The following TENM1 variants were observed in gnomAD, a reference collection of about 807,000 sequenced individuals.
TENM1 encodes teneurin-1.
In TENM1, 35 loss-of-function variants were observed where a neutral mutation model predicts 174.8. The observed-to-expected ratio is 0.20, with a 90% CI of 0.15 to 0.27. The LOEUF (loss-of-function observed/expected upper bound fraction) is 0.27, where lower values mean the gene tolerates loss of function less well. Ranked by LOEUF, TENM1 falls within the 10% of genes least tolerant of loss-of-function variation. TENM1 has a pLI of 1.00. For missense variants in TENM1, 1,633 were observed against 2,130.1 expected, an observed-to-expected ratio of 0.77 and a Z score of 4.59; for synonymous variants, 781 against 798.7, an observed-to-expected ratio of 0.98 and a Z score of 0.37.
At chrX:125,192,973 T>G in the TENM1 span, among the ~76,000 whole-genome samples, 1 of 111,426 alleles carries the variant, frequency 9.0e-6, no homozygotes, top group African/African-American at 3.3e-5. Context: ...GAGGTTTTTT[T>G]CAGTTATTTT....
intron 1 of TENM1, among the ~76,000 whole-genome samples, chrX:124,920,417 C>T (rs754321258): frequency 9.0e-6 from 1 of 111,135 alleles, no homozygotes; most frequent in African/African-American, 3.3e-5. Context: ...TTTATTTGAC[C>T]AGAACCACAC....
intron 28 of TENM1, among the ~76,000 whole-genome samples, chrX:124,388,138 G>A (rs2060243630): frequency 8.9e-6 from 1 of 111,878 alleles, no homozygotes; most frequent in Non-Finnish European, 1.9e-5. Flanking sequence ...CTTGCTGTGA[G>A]TAAATGACAT....
At chrX:124,653,950 A>G (rs1316408121) in intron 6 of TENM1, among the ~76,000 whole-genome samples, 167 bp from the exon 10 acceptor site, 1 of 111,802 alleles carries the variant, frequency 8.9e-6, no homozygotes, top group Admixed American at 9.5e-5. Flanking sequence ...ATCATCTAAG[A>G]AGCCTTCCCC....
At chrX:124,477,114 T>G (rs983978440) in intron 22 of TENM1, among the ~76,000 whole-genome samples, 49 of 112,240 alleles carry the variant, frequency 4.4e-4, no homozygotes, top group African/African-American at 1.6e-3. Context: ...CAAACAAAAT[T>G]TGTAGTTACT....
rs185130671 is a variant in TENM1 at position 124,802,757 on chromosome X, A to G, written c.536-65560T>C. Among the ~76,000 whole-genome samples, 86 of 111,841 alleles carry G rather than the reference A, an allele frequency of 7.7e-4. 2 individuals are homozygous for G. The highest frequency in any genetic ancestry group is 4.9e-3 in the Admixed American group (52 of 10,621). ...TTGGCCATCTTGGCCCCACCCCCCA[A>G]TAAAGGTTTCATTCTAAGCCCCACT... is the stretch of plus-strand genomic sequence containing the variant. On this transcript the variant is annotated intron_variant, in intron 3 of 31. Coordinates refer to ENST00000422452, the Ensembl canonical transcript of TENM1.
At chrX:125,156,747 C>T in the TENM1 span, among the ~76,000 whole-genome samples, 13 of 111,617 alleles carry the variant, frequency 1.2e-4, no homozygotes, top group Non-Finnish European at 2.1e-4. Flanking sequence ...TATGGTAGAA[C>T]GATTTATATT....
chrX:124,564,812 G>T (rs1477046082), intron 12 of TENM1, among the ~76,000 whole-genome samples: 4 of 111,402 alleles, frequency 3.6e-5, no homozygotes, highest in Non-Finnish European at 7.5e-5. Flanking sequence ...GCAATAAGGG[G>T]TGAAGGGAGA....
chrX:125,046,857 CGT>C, the TENM1 span, among the ~76,000 whole-genome samples: 6,131 of 97,700 alleles, frequency 0.063, 323 homozygotes, highest in African/African-American at 0.18. Context: ...TGTGTGCATG[CGT>C]GTGTGTGTGT....
intron 6 of TENM1, among the ~76,000 whole-genome samples, chrX:124,658,523 T>C: frequency 8.9e-6 from 1 of 111,925 alleles, no homozygotes; most frequent in Middle Eastern, 4.7e-3. Flanking sequence ...TTTTATTAAA[T>C]GTCCAGTAAG....
intron 12 of TENM1, among the ~76,000 whole-genome samples, chrX:124,564,650 T>C (rs1315807095): frequency 8.0e-5 from 9 of 112,262 alleles, no homozygotes; most frequent in Non-Finnish European, 1.7e-4. Context: ...TAGAAATATA[T>C]GTTAAGGGCT....
chrX:124,981,978 A>T, the TENM1 span, among the ~76,000 whole-genome samples: 1 of 58,979 alleles, frequency 1.7e-5, no homozygotes, highest in Non-Finnish European at 2.9e-5. Flanking sequence ...AAAAAAAAAA[A>T]AATGCAGGAA....
chrX:124,439,423 G>A (rs2060880106), intron 23 of TENM1, among the ~76,000 whole-genome samples: 1 of 112,079 alleles, frequency 8.9e-6, no homozygotes, highest in African/African-American at 3.2e-5. Context: ...CATCACAACA[G>A]TATGTGAAAG....
intron 23 of TENM1, among the ~76,000 whole-genome samples, chrX:124,425,031 C>G (rs1336027367): frequency 9.0e-6 from 1 of 111,525 alleles, no homozygotes; most frequent in South Asian, 3.8e-4. Context: ...TGGATTAATA[C>G]GGTGTCCTCC....
rs188043892 is a variant in TENM1, at chrX:124,933,654, A to G, written c.217+29883T>C. Among the ~76,000 whole-genome samples the G allele has an allele frequency of 3.4e-3, 387 of 112,355 alleles. 1 individual carries two copies. The highest frequency in any genetic ancestry group is 0.012 in the African/African-American group (360 of 31,011). On this transcript the variant is annotated intron_variant, in intron 1 of 31. Transcript: ENST00000422452. ...ATGTGCATAAAACAAATTAATTTCA[A>G]AATTAAAATTTGGAGAGGAAAAGCT... is the stretch of plus-strand genomic sequence containing the variant.
At chrX:124,653,990 T>C (rs1254923788) in intron 6 of TENM1, among the ~76,000 whole-genome samples, 2 of 111,975 alleles carry the variant, frequency 1.8e-5, no homozygotes, top group African/African-American at 6.5e-5. Context: ...CTCTCTCTTC[T>C]CTTCAAACCC....
chrX:124,602,085 T>C (rs1306818136), intron 11 of TENM1, among the ~76,000 whole-genome samples: 2 of 111,179 alleles, frequency 1.8e-5, no homozygotes, highest in Non-Finnish European at 3.8e-5. Flanking sequence ...GCATCATTAA[T>C]CAGAACTTTG....
chrX:124,759,911 A>G (rs964634112), intron 3 of TENM1, among the ~76,000 whole-genome samples: 7 of 112,162 alleles, frequency 6.2e-5, no homozygotes, highest in Non-Finnish European at 9.4e-5. Flanking sequence ...TCAAAGTACC[A>G]GTGATAGAGA....
chrX:124,501,925 A>G (rs1468768453), intron 19 of TENM1, among the ~76,000 whole-genome samples: 1 of 111,883 alleles, frequency 8.9e-6, no homozygotes, highest in Non-Finnish European at 1.9e-5. Flanking sequence ...GGAAATACAC[A>G]TCTACAAATG....
intron 4 of TENM1, among the ~76,000 whole-genome samples, chrX:124,715,852 C>A (rs963108222): frequency 1.8e-5 from 2 of 110,638 alleles, no homozygotes; most frequent in Non-Finnish European, 3.8e-5. Flanking sequence ...GTATACTTTT[C>A]TGTATCATTT....
Sources: gnomAD v4.1 joint callset for allele counts (sites outside exome capture counted in the v4.1 genomes callset) on GRCh38, gnomAD v4.1.1 for gene constraint, MANE v1.5 for transcripts, NCBI Gene and HGNC (gene_info 2026-07-23, HGNC 2026-07-21) for gene names.